The following MAN1A1 variants were observed in gnomAD, a reference collection of about 807,000 sequenced individuals.
The protein encoded by MAN1A1 is mannosyl-oligosaccharide 1,2-alpha-mannosidase IA.
In MAN1A1, 29 loss-of-function variants were observed where a neutral mutation model predicts 70.8. That is an observed-to-expected ratio of 0.41 (90% CI 0.31 to 0.56). The LOEUF (loss-of-function observed/expected upper bound fraction) is 0.56. MAN1A1 is among the 20% of genes least tolerant of loss of function. The pLI, the probability that MAN1A1 is intolerant of heterozygous loss-of-function variation, is 0.29. For missense variants in MAN1A1, 747 were observed against 841.3 expected (o/e 0.89, Z 1.39); for synonymous variants, 349 against 330.1 (o/e 1.06, Z -0.62).
At chr6:119,324,792 A>T (rs532964813) in intron 2 of MAN1A1, among the ~76,000 whole-genome samples, 31 of 152,332 alleles carry the variant, frequency 2.0e-4, no homozygotes, top group African/African-American at 7.2e-4. Flanking sequence ...TACTAAAAAA[A>T]TAAAAGGCCA....
rs1773069113 is a variant in MAN1A1, at chr6:119,178,732, A to G, written c.*1087T>C. ...AAATTTATTAGATTTTCCTTGATTG[A>G]TCACGAATAAGTAAAATTGGCAAAG... On this transcript the variant is annotated 3_prime_UTR_variant, in exon 13 of 13. Transcript: ENST00000368468. 2 of 152,122 alleles carry G rather than the reference A, an allele frequency of 1.3e-5. No individual in the cohort carries two copies. Among genetic ancestry groups the G allele is most frequent in the African/African-American group, 4.8e-5 (2 of 41,444 alleles). 9.4% of individuals were successfully genotyped at this position (152,122 alleles called of 1,614,324 possible).
chr6:119,191,387 C>T (rs971290990), intron 9 of MAN1A1, among the ~76,000 whole-genome samples: 4 of 152,052 alleles, frequency 2.6e-5, no homozygotes, highest in African/African-American at 7.2e-5. Flanking sequence ...TGGCATGATT[C>T]GGACCAAGTT....
chr6:119,340,741 T>C (rs547698344), intron 2 of MAN1A1, among the ~76,000 whole-genome samples: 2 of 152,302 alleles, frequency 1.3e-5, no homozygotes, highest in Admixed American at 6.5e-5. Flanking sequence ...TCATACTAAG[T>C]TGCTAATACT....
chr6:119,334,106 C>A (rs545267024), intron 2 of MAN1A1, among the ~76,000 whole-genome samples: 2 of 152,270 alleles, frequency 1.3e-5, no homozygotes, highest in South Asian at 4.1e-4. Flanking sequence ...TATAAAATTA[C>A]AATGGTTTAT....
intron 2 of MAN1A1, chr6:119,327,378 G>GTTGTT (rs1773178711): frequency 2.8e-4 from 34 of 123,560 alleles, no homozygotes; most frequent in African/African-American, 9.5e-4. Flanking sequence ...GAAGCATTCC[G>GTTGTT]TTTTTTTTTT....
At chr6:119,309,459 T>C (rs1360477672) in intron 2 of MAN1A1, among the ~76,000 whole-genome samples, 1 of 152,214 alleles carries the variant, frequency 6.6e-6, no homozygotes, top group Non-Finnish European at 1.5e-5. Flanking sequence ...CCAGTTCTCA[T>C]GAGCTGGCAG....
chr6:119,242,053 C>A (rs1483838593), intron 6 of MAN1A1, among the ~76,000 whole-genome samples: 1 of 151,376 alleles, frequency 6.6e-6, no homozygotes, highest in South Asian at 2.1e-4. Context: ...ACAAAGCAAC[C>A]AGAACAGTCA....
chr6:119,204,980 C>T lies in MAN1A1; in HGVS notation c.993-98G>A, dbSNP rs149857222. 1.7e-5 allele frequency: 22 copies of T among 1,265,340 alleles called. No homozygotes were observed. The Middle Eastern group carries it at 7.9e-4, about 46-fold the overall frequency. 78.4% of individuals were successfully genotyped at this position (1,265,340 alleles called of 1,614,324 possible). ...GAAATAGACAGCTTTTAAAAAAAGG[C>T]ATCCTAGCTAATAGTCCACTCTAGA... On this transcript the variant is annotated intron_variant, in intron 6 of 12. Transcript: ENST00000368468.
intron 5 of MAN1A1, among the ~76,000 whole-genome samples, chr6:119,248,722 G>A (rs547447665): frequency 6.6e-6 from 1 of 152,312 alleles, no homozygotes; most frequent in African/African-American, 2.4e-5. Flanking sequence ...GCCAGTGGGA[G>A]AACCACTGTT....
Position 119,257,530 on chromosome 6 carries a change from T to G in MAN1A1, c.898-9176A>C, listed in dbSNP as rs148628436. On this transcript the variant is annotated intron_variant, in intron 5 of 12. Coordinates refer to ENST00000368468, the MANE Select transcript of MAN1A1 (RefSeq NM_005907.4). ...GACAACATCAAAAAAAATACTGTAT[T>G]GGCTACCTGATAGAAGGAAAATAAA... Among the ~76,000 whole-genome samples, 167 of 152,220 alleles carry G rather than the reference T, an allele frequency of 1.1e-3. 3 individuals carry two copies. The East Asian group carries it at 0.028, about 25-fold the overall frequency.
chr6:119,179,765 T>G lies in MAN1A1; in HGVS notation c.*54A>C. 6.7e-7 allele frequency: 1 copy of G among 1,502,544 alleles called. No individual in the cohort carries two copies. The highest frequency in any genetic ancestry group is 9.2e-7 in the Non-Finnish European group (1 of 1,091,246). 93.1% of individuals were successfully genotyped at this position (1,502,544 alleles called of 1,614,324 possible). ...ATGTGCCTGATTACCAGAAAAGGAA[T>G]TATTAAGGTATACAGTGAAGGGAAT... On this transcript the variant is annotated 3_prime_UTR_variant, in exon 13 of 13. Transcript: ENST00000368468.
Position 119,259,256 on chromosome 6 carries a change from A to G in MAN1A1, c.898-10902T>C, listed in dbSNP as rs572677130. On this transcript the variant is annotated intron_variant, in intron 5 of 12. Transcript: ENST00000368468. ...AAACAGTTACCTGCACAAGGATCTGATAAGTCAAATGTCCTTCCTCTATCT... is the reference window on the plus strand; with the variant it reads ...AAACAGTTACCTGCACAAGGATCTGGTAAGTCAAATGTCCTTCCTCTATCT... Among the ~76,000 whole-genome samples, 5 of 152,308 alleles carry G rather than the reference A, an allele frequency of 3.3e-5. No individual in the cohort carries two copies. In the East Asian group the frequency reaches 9.6e-4, roughly 29 times the overall value.
intron 6 of MAN1A1, among the ~76,000 whole-genome samples, chr6:119,220,583 A>G (rs1266092818): frequency 6.6e-6 from 1 of 152,214 alleles, no homozygotes; most frequent in African/African-American, 2.4e-5. Flanking sequence ...ATGTAATTCA[A>G]TTAATCACCA....
intron 5 of MAN1A1, among the ~76,000 whole-genome samples, chr6:119,282,836 A>G (rs1230680433): frequency 6.6e-6 from 1 of 152,234 alleles, no homozygotes; most frequent in Non-Finnish European, 1.5e-5. Flanking sequence ...GGAAATTGGC[A>G]TAAATGTGTC....
chr6:119,338,525 T>A (rs1773522238), intron 2 of MAN1A1, among the ~76,000 whole-genome samples: 1 of 152,350 alleles, frequency 6.6e-6, no homozygotes, highest in South Asian at 2.1e-4. Context: ...GGTTAATTTT[T>A]CTTCTTTAAG....
chr6:119,286,891 A>G (rs1170656908), intron 5 of MAN1A1, among the ~76,000 whole-genome samples: 1 of 152,036 alleles, frequency 6.6e-6, no homozygotes, highest in African/African-American at 2.4e-5. Context: ...TCTCTGCCAT[A>G]TTTATATTCA....
chr6:119,275,042 G>A (rs1249548877), intron 5 of MAN1A1, among the ~76,000 whole-genome samples: 2 of 151,948 alleles, frequency 1.3e-5, no homozygotes, highest in African/African-American at 4.8e-5. Context: ...TTATGGTTTA[G>A]TTTTCATAAC....
chr6:119,274,174 A>G (rs937344119), intron 5 of MAN1A1, among the ~76,000 whole-genome samples: 2 of 152,254 alleles, frequency 1.3e-5, no homozygotes, highest in Admixed American at 1.3e-4. Context: ...TAACATAATT[A>G]AGAGAAAACA....
chr6:119,188,036 G>C (rs1179921004), intron 11 of MAN1A1, among the ~76,000 whole-genome samples: 4 of 152,092 alleles, frequency 2.6e-5, no homozygotes, highest in Non-Finnish European at 5.9e-5. Context: ...AAAGCCCAAA[G>C]ACAGAAAAAA....
Sources: gnomAD v4.1 joint callset for allele counts (sites outside exome capture counted in the v4.1 genomes callset) on GRCh38, gnomAD v4.1.1 for gene constraint, MANE v1.5 for transcripts, NCBI Gene and HGNC (gene_info 2026-07-23, HGNC 2026-07-21) for gene names.